ATP11A: variants seen among roughly 807,000 people sequenced by gnomAD.
ATP11A encodes phospholipid-transporting ATPase IH.
ATP11A carries 81 observed loss-of-function variants against 154.4 expected under a neutral mutation model. That is an observed-to-expected ratio of 0.52 (90% confidence interval 0.44 to 0.63). ATP11A has a LOEUF of 0.63. ATP11A is among the 30% of genes least tolerant of loss of function. The pLI is 0.00. For synonymous variants in ATP11A, 623 were observed against 585.9 expected (o/e 1.06, Z -0.91); for missense variants, 1,316 against 1,474.3 (o/e 0.89, Z 1.76).
chr13:112,733,824 C>T (rs1325482632), intron 1 of ATP11A, among the ~76,000 whole-genome samples: 1 of 152,188 alleles, frequency 6.6e-6, no homozygotes, highest in Non-Finnish European at 1.5e-5. Context: ...TCCTTGCTGA[C>T]ATTGTCCAAG....
At position 112,746,246 on chromosome 13, in the gene ATP11A, T is replaced by C. The variant is rs1042850842; in HGVS notation, c.40-38889T>C. ...TGGGTCATACCTATGTTTAATTCTCTGAGGAACCTCCGTGCTGTCTCCATA... is the reference window on the plus strand; with the variant it reads ...TGGGTCATACCTATGTTTAATTCTCCGAGGAACCTCCGTGCTGTCTCCATA... On this transcript the variant is annotated intron_variant, in intron 1 of 29. Coordinates refer to ENST00000375645, the MANE Select transcript of ATP11A (RefSeq NM_015205.3). This position sits in a 1 kb window ranked among gnomAD's most constrained non-coding sequence, Gnocchi z 4.1. The C allele has an allele frequency of 6.6e-6, 1 of 152,218 alleles. No homozygotes were observed. The highest frequency in any genetic ancestry group is 1.5e-5 in the Non-Finnish European group (1 of 68,062). 9.4% of individuals were successfully genotyped at this position (152,218 alleles called of 1,614,324 possible).
chr13:112,809,478 C>G (rs2078425526), intron 4 of ATP11A, among the ~76,000 whole-genome samples: 2 of 152,340 alleles, frequency 1.3e-5, no homozygotes, highest in South Asian at 4.1e-4. Context: ...TCCTGCCCCA[C>G]AGGCTCTTGC....
At position 112,838,579 on chromosome 13, in the gene ATP11A, A is replaced by G. The variant is rs2079305326; in HGVS notation, c.1705+2328A>G. On this transcript the variant is annotated intron_variant, in intron 16 of 29. Coordinates refer to ENST00000375645, the MANE Select transcript of ATP11A (RefSeq NM_015205.3). This position sits in a 1 kb window ranked among gnomAD's most constrained non-coding sequence, Gnocchi z 7.3. Reference sequence around the variant, plus strand: ...TTTTGCTGCATCCTGAATGCCCAAGACCTCAGGGCATTGTGGGCTATGCCG... The same window carrying G: ...TTTTGCTGCATCCTGAATGCCCAAGGCCTCAGGGCATTGTGGGCTATGCCG... 6.6e-6 allele frequency among the ~76,000 whole-genome samples: 1 copy of G among 152,148 alleles called. No individual in the cohort carries two copies. Among genetic ancestry groups the G allele is most frequent in the South Asian group, 2.1e-4 (1 of 4,822 alleles).
chr13:112,778,220 G>GCCT (rs2077395111), intron 1 of ATP11A, among the ~76,000 whole-genome samples: 1 of 152,266 alleles, frequency 6.6e-6, no homozygotes, highest in African/African-American at 2.4e-5. Context: ...AGGCCTTGCA[G>GCCT]CCTCCACGTG....
chr13:112,777,521 G>A (rs1298694247), intron 1 of ATP11A, among the ~76,000 whole-genome samples: 1 of 152,186 alleles, frequency 6.6e-6, no homozygotes, highest in Non-Finnish European at 1.5e-5. Flanking sequence ...CCGAGATCAC[G>A]CCATTGCACT....
rs77796684 is a variant in ATP11A, at chr13:112,744,594, C to T, written c.40-40541C>T. Among the ~76,000 whole-genome samples, 1,380 of 152,328 alleles carry T rather than the reference C, an allele frequency of 9.1e-3. 15 individuals carry two copies. The highest frequency in any genetic ancestry group is 0.02 in the Middle Eastern group (6 of 294). On this transcript the variant is annotated intron_variant, in intron 1 of 29. Coordinates refer to ENST00000375645, the MANE Select transcript of ATP11A (RefSeq NM_015205.3). ...GCCCTCTGCTCACCACCTGCCCTCA[C>T]GGGTGAGCCGCTGCACTTCTCGGGC...
intron 1 of ATP11A, among the ~76,000 whole-genome samples, chr13:112,740,470 G>A (rs1294415504): frequency 6.6e-6 from 1 of 152,196 alleles, no homozygotes. Context: ...TACTGTCTCG[G>A]CCCAAATCTT....
chr13:112,751,978 G>T (rs906950863), intron 1 of ATP11A, among the ~76,000 whole-genome samples: 7 of 152,202 alleles, frequency 4.6e-5, no homozygotes, highest in African/African-American at 1.7e-4. Context: ...TGTAAATAAC[G>T]ATGTGGCTAA....
chr13:112,721,021 ACCACAGG>A (rs1889112981), intron 1 of ATP11A, among the ~76,000 whole-genome samples: 1 of 152,064 alleles, frequency 6.6e-6, no homozygotes, highest in African/African-American at 2.4e-5. Context: ...CAGAAGGTGA[ACCACAGG>A]CCACAGTCCG....
intron 1 of ATP11A, among the ~76,000 whole-genome samples, chr13:112,720,090 A>G (rs184710171): frequency 6.6e-6 from 1 of 152,346 alleles, no homozygotes; most frequent in East Asian, 1.9e-4. Flanking sequence ...AAAGTCTGTA[A>G]ACTATTTTAA....
rs1885831030 is a variant in ATP11A at position 112,696,558 on chromosome 13, T to C, written c.39+6103T>C. 6.6e-6 allele frequency among the ~76,000 whole-genome samples: 1 copy of C among 152,116 alleles called. No individual in the cohort carries two copies. Among genetic ancestry groups the C allele is most frequent in the Non-Finnish European group, 1.5e-5 (1 of 68,010 alleles). On this transcript the variant is annotated intron_variant, in intron 1 of 29. Coordinates refer to ENST00000375645, the MANE Select transcript of ATP11A (RefSeq NM_015205.3). This position sits in a 1 kb window ranked among gnomAD's most constrained non-coding sequence, Gnocchi z 6.2. ...CTTGCCGTCCCGCTGTTGGCACCGC[T>C]TTAGACCCCATATTTCCCAGCGGTC...
At chr13:112,827,102 C>A (rs766866399) in intron 12 of ATP11A, among the ~76,000 whole-genome samples, 2 of 152,252 alleles carry the variant, frequency 1.3e-5, no homozygotes, top group Non-Finnish European at 2.9e-5. Flanking sequence ...TTGCTGACTC[C>A]TGGAAACTCA....
In ATP11A at chr13:112,785,946, T is replaced by C. The variant is rs1235076551; in HGVS notation, c.162+689T>C. Among the ~76,000 whole-genome samples, 1 of 151,056 alleles carries C rather than the reference T, an allele frequency of 6.6e-6. No homozygotes were observed. Among genetic ancestry groups the C allele is most frequent in the Admixed American group, 6.6e-5 (1 of 15,164 alleles). On this transcript the variant is annotated intron_variant, in intron 2 of 29. Transcript: ENST00000375645. This position sits in a 1 kb window ranked among gnomAD's most constrained non-coding sequence, Gnocchi z 4.8. ...GGAACGCACGTGCCTGCGTTCAGAC[T>C]CCATTTATCTTCACCGTCCTTCAAA...
chr13:112,784,001 C>T (rs1180031645), intron 1 of ATP11A, among the ~76,000 whole-genome samples: 1 of 152,128 alleles, frequency 6.6e-6, no homozygotes, highest in Non-Finnish European at 1.5e-5. Flanking sequence ...GATGCAGGGC[C>T]GGTGACCCCA....
intron 2 of ATP11A, among the ~76,000 whole-genome samples, chr13:112,790,192 A>G (rs943289924): frequency 4.1e-5 from 6 of 147,162 alleles, no homozygotes; most frequent in African/African-American, 1.2e-4. Flanking sequence ...ATGTAGACCT[A>G]TTTAATTCAC....
At chr13:112,692,883 A>G (rs1466329619) in intron 1 of ATP11A, among the ~76,000 whole-genome samples, 5 of 152,360 alleles carry the variant, frequency 3.3e-5, no homozygotes, top group African/African-American at 1.2e-4. Context: ...TGCTACAGAA[A>G]AAAGAGTCTG....
At chr13:112,873,482 C>G in intron 26 of ATP11A, 91 bp from the exon 27 acceptor site, 1 of 985,528 alleles carries the variant, frequency 1.0e-6, no homozygotes, top group Non-Finnish European at 1.5e-6. Context: ...GGTTTAGTTT[C>G]TCGTCACCCC....
intron 1 of ATP11A, among the ~76,000 whole-genome samples, chr13:112,779,945 G>T (rs2077458041): frequency 6.6e-6 from 1 of 151,934 alleles, no homozygotes; most frequent in African/African-American, 2.4e-5. Flanking sequence ...TTTCCTCTAA[G>T]GTAGTAAAGA....
chr13:112,862,315 T>C, intron 24 of ATP11A, 125 bp from the exon 25 acceptor site: 1 of 1,160,924 alleles, frequency 8.6e-7, no homozygotes, highest in Non-Finnish European at 1.2e-6. Context: ...ACAAACTTGA[T>C]GTTTACTGGC....
Sources: allele counts gnomAD v4.1 joint callset (sites outside exome capture counted in the v4.1 genomes callset), GRCh38; gene constraint gnomAD v4.1.1; non-coding constraint Gnocchi (gnomAD v3.1); transcripts MANE v1.5; gene names NCBI Gene and HGNC (gene_info 2026-07-23, HGNC 2026-07-21).